Variants in SUPT3H observed in about 807,000 individuals in gnomAD.
SUPT3H encodes the protein SPT3 homolog, SAGA and STAGA complex component, also known as transcription initiation protein SPT3 homolog.
In SUPT3H, 44 loss-of-function variants were observed where a neutral mutation model predicts 44.3. That is an observed-to-expected ratio of 0.99 (90% CI 0.78 to 1.28). SUPT3H has a LOEUF of 1.28. SUPT3H is among the 50% of genes most tolerant of loss of function. SUPT3H has a pLI of 0.00. For synonymous variants in SUPT3H, 124 were observed against 125.6 expected (o/e 0.99, Z 0.09); for missense variants, 380 against 387.1 (o/e 0.98, Z 0.15).
At chr6:45,321,662 C>T in intron 2 of SUPT3H, 1 of 632,120 alleles carries the variant, frequency 1.6e-6, no homozygotes, top group Non-Finnish European at 2.7e-6. Flanking sequence ...TCAAGTTTCA[C>T]ATGCATGTTG....
intron 2 of SUPT3H, among the ~76,000 whole-genome samples, chr6:45,198,038 C>A (rs774105330): frequency 2.2e-4 from 34 of 151,202 alleles, no homozygotes; most frequent in Admixed American, 5.9e-4. Context: ...ATAAAAAAAT[C>A]TCTCAAAGTT....
At chr6:45,295,218 A>C (rs974809135) in intron 2 of SUPT3H, among the ~76,000 whole-genome samples, 7 of 152,118 alleles carry the variant, frequency 4.6e-5, no homozygotes, top group African/African-American at 1.7e-4. Flanking sequence ...ATCTTTGAAA[A>C]AAACAAACAA....
intron 2 of SUPT3H, among the ~76,000 whole-genome samples, chr6:45,205,822 C>A (rs940820097): frequency 5.5e-4 from 83 of 151,786 alleles, no homozygotes; most frequent in African/African-American, 1.8e-3. Flanking sequence ...AAAAAAAAAA[C>A]CAGTAAGCAA....
chr6:44,900,788 A>G (rs1055868513), intron 10 of SUPT3H, among the ~76,000 whole-genome samples: 1 of 152,276 alleles, frequency 6.6e-6, no homozygotes, highest in Admixed American at 6.5e-5. Flanking sequence ...GGGCAGACTG[A>G]CACCTCACAC....
chr6:45,314,807 CA>C (rs1376541122), intron 2 of SUPT3H, among the ~76,000 whole-genome samples: 2 of 151,882 alleles, frequency 1.3e-5, no homozygotes, highest in Non-Finnish European at 2.9e-5. Flanking sequence ...CATATGGAAC[CA>C]AAAAAGAGCC....
intron 10 of SUPT3H, among the ~76,000 whole-genome samples, chr6:44,923,618 G>C (rs1006073902): frequency 6.6e-6 from 1 of 152,018 alleles, no homozygotes. Flanking sequence ...CAAAGTGAAA[G>C]CAGGAAAGAG....
chr6:44,970,831 C>T lies in SUPT3H; in HGVS notation c.505-9003G>A, dbSNP rs1348838820. On this transcript the variant is annotated intron_variant, in intron 6 of 10. Transcript: ENST00000371459. ...AGCCATTAATTCATAAAATTTAGTT[C>T]ATACTTTCTCTTTAATCCTGAGTTA... Among the ~76,000 whole-genome samples, 3 of 152,136 alleles carry T rather than the reference C, an allele frequency of 2.0e-5. No individual in the cohort carries two copies. In the East Asian group the frequency reaches 5.8e-4, roughly 29 times the overall value.
chr6:45,030,795 C>A (rs563131612), intron 3 of SUPT3H, among the ~76,000 whole-genome samples: 1 of 152,054 alleles, frequency 6.6e-6, no homozygotes, highest in Non-Finnish European at 1.5e-5. Flanking sequence ...ATAATTTTGT[C>A]TTTTTGTTGA....
intron 6 of SUPT3H, among the ~76,000 whole-genome samples, chr6:44,995,998 G>T (rs12208605): frequency 0.22 from 32,881 of 151,554 alleles, 4,097 homozygotes; most frequent in Non-Finnish European, 0.29. Flanking sequence ...AGGTAAACAG[G>T]GTTCTCAGCC....
chr6:44,998,653 T>C (rs370728067), intron 6 of SUPT3H, among the ~76,000 whole-genome samples: 1 of 151,768 alleles, frequency 6.6e-6, no homozygotes, highest in Non-Finnish European at 1.5e-5. Context: ...CTAATACTTA[T>C]TTTTTATTTT....
At chr6:44,900,357 G>A (rs917169623) in intron 10 of SUPT3H, among the ~76,000 whole-genome samples, 8 of 152,180 alleles carry the variant, frequency 5.3e-5, no homozygotes, top group African/African-American at 1.9e-4. Flanking sequence ...CTTAGCAAAC[G>A]GCACACCAGG....
intron 2 of SUPT3H, among the ~76,000 whole-genome samples, chr6:45,313,193 A>G (rs901090773): frequency 1.3e-5 from 2 of 152,224 alleles, no homozygotes; most frequent in Admixed American, 1.3e-4. Context: ...AGGTTGAAAG[A>G]GCACAAACAG....
At chr6:45,335,405 T>C (rs1046323337) in intron 2 of SUPT3H, among the ~76,000 whole-genome samples, 2 of 151,314 alleles carry the variant, frequency 1.3e-5, no homozygotes, top group African/African-American at 2.4e-5. Flanking sequence ...TGTATCACTA[T>C]AACGATCCTA....
intron 10 of SUPT3H, among the ~76,000 whole-genome samples, chr6:44,851,638 G>A (rs1351381714): frequency 6.6e-6 from 1 of 152,154 alleles, no homozygotes; most frequent in Non-Finnish European, 1.5e-5. Flanking sequence ...TACCAATGGA[G>A]ACATATTGTT....
At chr6:44,994,705 T>C (rs1262274490) in intron 6 of SUPT3H, among the ~76,000 whole-genome samples, 3 of 150,936 alleles carry the variant, frequency 2.0e-5, no homozygotes, top group Non-Finnish European at 4.4e-5. Flanking sequence ...AAAACTTCTA[T>C]AGTCATTTGT....
intron 2 of SUPT3H, among the ~76,000 whole-genome samples, chr6:45,187,313 G>T (rs1404613285): frequency 6.6e-6 from 1 of 151,712 alleles, no homozygotes; most frequent in African/African-American, 2.4e-5. Context: ...TACTCAGGAG[G>T]CTAAGGCAGG....
At chr6:44,934,951 T>G (rs1477879403) in intron 9 of SUPT3H, among the ~76,000 whole-genome samples, 1 of 152,206 alleles carries the variant, frequency 6.6e-6, no homozygotes, top group African/African-American at 2.4e-5. Context: ...TCATGCTATT[T>G]TTGCCAAAAT....
At chr6:44,870,919 C>T (rs906814965) in intron 10 of SUPT3H, among the ~76,000 whole-genome samples, 2 of 151,630 alleles carry the variant, frequency 1.3e-5, no homozygotes, top group African/African-American at 2.4e-5. Flanking sequence ...CACTCCCACC[C>T]GAATATTGCG....
At chr6:45,376,347 C>G (rs927956648) in intron 1 of SUPT3H, among the ~76,000 whole-genome samples, 5 of 152,214 alleles carry the variant, frequency 3.3e-5, no homozygotes, top group Admixed American at 6.5e-5. Context: ...CTCGGAAGGA[C>G]TCTCAAAATC....
Sources: allele counts gnomAD v4.1 joint callset (sites outside exome capture counted in the v4.1 genomes callset), GRCh38; gene constraint gnomAD v4.1.1; transcripts MANE v1.5; gene names NCBI Gene and HGNC (gene_info 2026-07-23, HGNC 2026-07-21).